RNF182: variants seen among roughly 807,000 people sequenced by gnomAD.
The protein encoded by RNF182 is ring finger protein 182, also known as E3 ubiquitin-protein ligase RNF182.
In RNF182, 15 loss-of-function variants were observed where a neutral mutation model predicts 14.4. The ratio of observed to expected loss-of-function variants is 1.04; its 90% CI spans 0.70 to 1.60. The LOEUF is 1.60. RNF182 is among the 40% of genes most tolerant of loss of function. RNF182 has a pLI of 0.00. For missense variants in RNF182, 268 were observed against 294.8 expected (o/e 0.91, Z 0.67); for synonymous variants, 128 against 122.9 (o/e 1.04, Z -0.27).
chr6:13,926,115 A>G (rs1329104154), intron 1 of RNF182, among the ~76,000 whole-genome samples: 1 of 152,242 alleles, frequency 6.6e-6, no homozygotes, highest in Non-Finnish European at 1.5e-5. Flanking sequence ...ACAATATGAG[A>G]TGTCATATTG....
At chr6:13,934,695 T>C (rs1759062955) in intron 1 of RNF182, among the ~76,000 whole-genome samples, 1 of 152,206 alleles carries the variant, frequency 6.6e-6, no homozygotes, top group Non-Finnish European at 1.5e-5. Flanking sequence ...CCATTCCTTT[T>C]TTCTAGTTTG....
chr6:13,937,347 C>T (rs1483695291), intron 1 of RNF182, among the ~76,000 whole-genome samples: 2 of 152,196 alleles, frequency 1.3e-5, no homozygotes, highest in Admixed American at 6.5e-5. Flanking sequence ...AAAGGTGACC[C>T]ATAGTCTGAA....
chr6:13,936,846 A>G (rs770414581), intron 1 of RNF182, among the ~76,000 whole-genome samples: 4 of 152,332 alleles, frequency 2.6e-5, no homozygotes, highest in East Asian at 1.9e-4. Context: ...TAAAAGAGCT[A>G]TAAAGAGGGA....
At chr6:13,930,440 C>T (rs1044903349) in intron 1 of RNF182, among the ~76,000 whole-genome samples, 6 of 152,094 alleles carry the variant, frequency 3.9e-5, no homozygotes, top group East Asian at 1.9e-4. Context: ...CATTGCCTCA[C>T]GGGGTTATCC....
Position 13,977,470 on chromosome 6 carries a change from T to C in RNF182, c.351T>C (p.Ser117=). 1 of 1,614,162 alleles carries C rather than the reference T, an allele frequency of 6.2e-7. No homozygotes were observed. Among genetic ancestry groups the C allele is most frequent in the Non-Finnish European group, 8.5e-7 (1 of 1,180,016 alleles). ...TGCTCACCCCCAAGAGGCTGGCCTC[T>C]CTGGTCAGTCCTTCTCACACGTCCT... ...ELLLTPKRLA[S]LVSPSHTSSN... is the part of the protein sequence containing the mutation. Residue 117 remains serine, a synonymous_variant, in exon 3 of 3, where the codon TCT becomes TCC. Coordinates refer to ENST00000488300, the MANE Select transcript of RNF182 (RefSeq NM_152737.4).
chr6:13,960,656 AGTGTGTGTGTGTGT>A (rs745687828), intron 1 of RNF182, among the ~76,000 whole-genome samples: 1 of 133,110 alleles, frequency 7.5e-6, no homozygotes, highest in African/African-American at 2.7e-5. Context: ...GGAGAGAGAG[AGTGTGTGTGTGTGT>A]GTGTGTGTGT....
At chr6:13,926,790 TG>T (rs371519867) in intron 1 of RNF182, among the ~76,000 whole-genome samples, 5 of 129,254 alleles carry the variant, frequency 3.9e-5, no homozygotes, top group South Asian at 2.4e-4. Context: ...TGTGTGTGTG[TG>T]TTTTTTTTTT....
At chr6:13,933,928 G>T (rs1759040696) in intron 1 of RNF182, among the ~76,000 whole-genome samples, 1 of 152,168 alleles carries the variant, frequency 6.6e-6, no homozygotes, top group South Asian at 2.1e-4. Context: ...TGAGGCAGGA[G>T]AATCGCTTGA....
At chr6:13,955,432 T>C (rs574677784) in intron 1 of RNF182, among the ~76,000 whole-genome samples, 1 of 152,380 alleles carries the variant, frequency 6.6e-6, no homozygotes, top group Admixed American at 6.5e-5. Flanking sequence ...TAAATTCTTG[T>C]GTCTTTCCCT....
At chr6:13,964,992 C>T (rs1239404415) in intron 1 of RNF182, among the ~76,000 whole-genome samples, 2 of 152,142 alleles carry the variant, frequency 1.3e-5, no homozygotes, top group East Asian at 3.8e-4. Flanking sequence ...CAGACCTGAA[C>T]CCCAGTGATA....
At chr6:13,973,615 T>G (rs1054296525) in intron 1 of RNF182, among the ~76,000 whole-genome samples, 3 of 152,212 alleles carry the variant, frequency 2.0e-5, no homozygotes, top group Non-Finnish European at 4.4e-5. Context: ...TTGCTTGGCA[T>G]TCATTGTCTC....
chr6:13,963,546 G>C (rs959498267), intron 1 of RNF182, among the ~76,000 whole-genome samples: 2 of 152,132 alleles, frequency 1.3e-5, no homozygotes, highest in South Asian at 2.1e-4. Flanking sequence ...TGTCCCTGGT[G>C]GTTAGTTGAG....
In RNF182 at chr6:13,977,145, C is replaced by G; in HGVS notation, c.26C>G (p.Thr9Ser). 6.2e-7 allele frequency: 1 copy of G among 1,613,932 alleles called. No homozygotes were observed. Among genetic ancestry groups the G allele is most frequent in the South Asian group, 1.1e-5 (1 of 91,034 alleles). MASQPPEDTAESQASDELE... is the reference protein window; with the variant it reads MASQPPEDSAESQASDELE... ...ATGGCCAGTCAACCTCCTGAAGACACTGCGGAGTCTCAGGCCTCTGATGAG... is the reference window on the plus strand; with the variant it reads ...ATGGCCAGTCAACCTCCTGAAGACAGTGCGGAGTCTCAGGCCTCTGATGAG... Residue 9 changes from threonine (T) to serine (S), a missense_variant, in exon 3 of 3, where the codon ACT (threonine) becomes AGT (serine). Physicochemically the swap from Thr to Ser is moderately conservative, Grantham distance 58. Transcript: ENST00000488300.
intron 1 of RNF182, among the ~76,000 whole-genome samples, chr6:13,945,392 C>T (rs536171553): frequency 2.6e-5 from 4 of 152,174 alleles, no homozygotes; most frequent in African/African-American, 9.7e-5. Context: ...TAACCTTAAA[C>T]GTTGGAATTG....
At chr6:13,962,163 C>G (rs1353674183) in intron 1 of RNF182, among the ~76,000 whole-genome samples, 1 of 152,142 alleles carries the variant, frequency 6.6e-6, no homozygotes, top group African/African-American at 2.4e-5. Flanking sequence ...TAATGAGAGT[C>G]TTTTAAGCTC....
At chr6:13,960,774 A>G (rs775941300) in intron 1 of RNF182, among the ~76,000 whole-genome samples, 3 of 152,234 alleles carry the variant, frequency 2.0e-5, no homozygotes, top group Admixed American at 1.3e-4. Context: ...TAAGTTTGAA[A>G]TTGTAGAAAT....
At chr6:13,974,152 A>C (rs1206403851) in intron 1 of RNF182, 58 bp from the exon 2 acceptor site, 1 of 151,840 alleles carries the variant, frequency 6.6e-6, no homozygotes, top group Non-Finnish European at 1.5e-5. Flanking sequence ...TAACTGTAGC[A>C]GTTGGTAGCC....
At position 13,924,998 on chromosome 6, in the gene RNF182, CCGG is replaced by C. The variant is rs1554124154; in HGVS notation, c.-391_-389del. ...GGCGCCGCCGCAGCCGGAGCGGCTC[CCGG>C]GCCCTGGGCCGCCGCCGGCCAGGTA... On this transcript the variant is annotated 5_prime_UTR_variant, in exon 1 of 3. Coordinates refer to ENST00000488300, the MANE Select transcript of RNF182 (RefSeq NM_152737.4). 6.5e-5 allele frequency: 1 copy of C among 15,470 alleles called. No individual in the cohort carries two copies. The highest frequency in any genetic ancestry group is 1.3e-4 in the Non-Finnish European group (1 of 7,824). 1.0% of individuals were successfully genotyped at this position (15,470 alleles called of 1,614,324 possible). A position where few individuals can be genotyped will look rare whatever the true frequency, so the allele number is the denominator to read the frequency against.
chr6:13,946,247 AC>A lies in RNF182; in HGVS notation c.-367+21226del, dbSNP rs533241863. 1.7e-4 allele frequency among the ~76,000 whole-genome samples: 25 copies of A among 151,310 alleles called. 1 individual carries two copies. The South Asian group carries it at 5.2e-3, about 32-fold the overall frequency. On this transcript the variant is annotated intron_variant, in intron 1 of 2. Transcript: ENST00000488300. ...AGTGGCACAATCTCAGCTCACTGCA[AC>A]CTCTGCCTCCTGGGTTGAAGCAATT... is the stretch of plus-strand genomic sequence containing the variant.
Sources: allele counts gnomAD v4.1 joint callset (sites outside exome capture counted in the v4.1 genomes callset), GRCh38; gene constraint gnomAD v4.1.1; transcripts MANE v1.5; gene names NCBI Gene and HGNC (gene_info 2026-07-23, HGNC 2026-07-21).